ROBO2: variants seen among roughly 807,000 people sequenced by gnomAD.
ROBO2 encodes roundabout homolog 2.
Under a neutral mutation model 160.8 loss-of-function variants are expected in ROBO2, and 53 were observed. The ratio of observed to expected loss-of-function variants is 0.33; its 90% CI spans 0.26 to 0.41. The LOEUF (loss-of-function observed/expected upper bound fraction) is 0.41, where lower values mean the gene tolerates loss of function less well. ROBO2 is among the 10% of genes least tolerant of loss of function. The probability of loss-of-function intolerance (pLI) is 1.00; values close to 1 mark genes in which losing one functional copy is unlikely to be tolerated. For missense variants in ROBO2, 1,577 were observed against 1,722.4 expected (o/e 0.92, Z 1.49); for synonymous variants, 664 against 611.7 (o/e 1.09, Z -1.26).
intron 2 of ROBO2, among the ~76,000 whole-genome samples, chr3:76,419,934 A>T (rs569979236): frequency 3.1e-4 from 47 of 152,338 alleles, no homozygotes; most frequent in African/African-American, 1.1e-3. Context: ...TTGGAATAAA[A>T]AATACACCGT....
intron 2 of ROBO2, among the ~76,000 whole-genome samples, chr3:76,115,005 T>C (rs184242541): frequency 2.0e-5 from 3 of 152,142 alleles, no homozygotes; most frequent in African/African-American, 7.2e-5. Flanking sequence ...TTTATGATAG[T>C]TCCGGGATTT....
chr3:75,996,568 C>A (rs2065731321), intron 2 of ROBO2, among the ~76,000 whole-genome samples: 1 of 152,144 alleles, frequency 6.6e-6, no homozygotes, highest in African/African-American at 2.4e-5. Context: ...CCTCATACAT[C>A]CATTCATTTA....
At chr3:77,544,781 G>C (rs1173790759) in intron 6 of ROBO2, among the ~76,000 whole-genome samples, 2 of 151,962 alleles carry the variant, frequency 1.3e-5, no homozygotes, top group Non-Finnish European at 2.9e-5. Context: ...GTGTTTTCTT[G>C]GTCTCAGTTT....
intron 2 of ROBO2, among the ~76,000 whole-genome samples, chr3:76,915,304 A>C (rs1437768580): frequency 1.3e-5 from 2 of 152,080 alleles, no homozygotes; most frequent in Admixed American, 1.3e-4. Flanking sequence ...TAAGAAACCC[A>C]CCATAAAAGG....
chr3:76,648,290 G>C (rs1476767112), intron 2 of ROBO2, among the ~76,000 whole-genome samples: 5 of 151,982 alleles, frequency 3.3e-5, no homozygotes, highest in Non-Finnish European at 7.4e-5. Flanking sequence ...TTTCCTATGA[G>C]TCTATAAGCA....
At chr3:76,859,271 G>A (rs1191481857) in intron 2 of ROBO2, among the ~76,000 whole-genome samples, 1 of 152,144 alleles carries the variant, frequency 6.6e-6, no homozygotes, top group African/African-American at 2.4e-5. Flanking sequence ...ATCAATGCAA[G>A]GACTGTTCAA....
intron 2 of ROBO2, among the ~76,000 whole-genome samples, chr3:76,264,340 T>TG (rs1338063696): frequency 1.3e-5 from 2 of 151,434 alleles, no homozygotes; most frequent in Non-Finnish European, 1.5e-5. Context: ...AGTTTTTTTT[T>TG]TTTCCCCCTT....
chr3:75,952,871 G>A (rs1442718253), intron 2 of ROBO2, among the ~76,000 whole-genome samples: 1 of 151,780 alleles, frequency 6.6e-6, no homozygotes, highest in Admixed American at 6.6e-5. Context: ...TTTCCAGAAG[G>A]TCATGTAGTT....
chr3:77,186,980 G>A (rs1201401256), intron 2 of ROBO2, among the ~76,000 whole-genome samples: 3 of 151,960 alleles, frequency 2.0e-5, no homozygotes, highest in Non-Finnish European at 4.4e-5. Context: ...GGAAGTGAAA[G>A]CTATAAGTTT....
chr3:76,569,617 C>T (rs1335159511), intron 2 of ROBO2, among the ~76,000 whole-genome samples: 2 of 151,918 alleles, frequency 1.3e-5, no homozygotes, highest in Non-Finnish European at 2.9e-5. Context: ...TAAAATGTAC[C>T]TTTGTTAAGT....
intron 5 of ROBO2, among the ~76,000 whole-genome samples, chr3:77,498,331 G>A (rs961273267): frequency 1.3e-4 from 20 of 152,090 alleles, no homozygotes; most frequent in South Asian, 4.1e-4. Context: ...ACATTTTTAC[G>A]TATGCCTGCA....
chr3:77,235,488 A>C (rs1286228892), intron 2 of ROBO2, among the ~76,000 whole-genome samples: 1 of 152,114 alleles, frequency 6.6e-6, no homozygotes, highest in Non-Finnish European at 1.5e-5. Flanking sequence ...ATGTCAACAG[A>C]ATTTACCTAA....
intron 2 of ROBO2, among the ~76,000 whole-genome samples, chr3:76,991,444 A>G (rs1485622478): frequency 2.6e-5 from 4 of 152,162 alleles, no homozygotes; most frequent in Non-Finnish European, 5.9e-5. Context: ...ATTAATACCA[A>G]TTACAATGAA....
intron 2 of ROBO2, among the ~76,000 whole-genome samples, chr3:76,741,692 C>CT (rs1171820894): frequency 1.6e-5 from 2 of 121,250 alleles, no homozygotes; most frequent in South Asian, 2.8e-4. Flanking sequence ...AGAATACAAA[C>CT]TTTTTTCTGT....
chr3:77,314,102 C>T (rs369925762), intron 2 of ROBO2, among the ~76,000 whole-genome samples: 6 of 152,000 alleles, frequency 3.9e-5, no homozygotes, highest in African/African-American at 1.2e-4. Context: ...TCCCTCAGCC[C>T]GTAGTAATGC....
chr3:77,092,067 C>T (rs1172340661), intron 1 of ROBO2: 2 of 151,348 alleles, frequency 1.3e-5, no homozygotes, highest in Non-Finnish European at 2.9e-5. Context: ...GTGTTCACTT[C>T]GGCAGCACAT....
intron 2 of ROBO2, among the ~76,000 whole-genome samples, chr3:76,611,779 T>C (rs562180750): frequency 1.3e-5 from 2 of 152,308 alleles, no homozygotes; most frequent in East Asian, 3.9e-4. Context: ...CTCTAATCTT[T>C]CTTATTTCTT....
intron 2 of ROBO2, among the ~76,000 whole-genome samples, chr3:76,862,887 G>A (rs557647421): frequency 1.4e-4 from 21 of 152,064 alleles, no homozygotes; most frequent in African/African-American, 2.9e-4. Flanking sequence ...CAATTTTCAC[G>A]TCTCTTTTCT....
chr3:76,672,042 TG>T (rs1560347988), intron 2 of ROBO2, among the ~76,000 whole-genome samples: 2 of 152,102 alleles, frequency 1.3e-5, no homozygotes, highest in Non-Finnish European at 2.9e-5. Context: ...AGATGGTCTA[TG>T]AATAAGTGAC....
Sources: allele counts gnomAD v4.1 joint callset (sites outside exome capture counted in the v4.1 genomes callset), GRCh38; gene constraint gnomAD v4.1.1; transcripts MANE v1.5; gene names NCBI Gene and HGNC (gene_info 2026-07-23, HGNC 2026-07-21).